Variants in AKAP1 observed in about 807,000 individuals in gnomAD.
AKAP1 encodes the protein A-kinase anchoring protein 1.
Under a neutral mutation model 79.8 loss-of-function variants are expected in AKAP1, and 32 were observed. The ratio of observed to expected loss-of-function variants is 0.40; its 90% confidence interval spans 0.30 to 0.54. The LOEUF (loss-of-function observed/expected upper bound fraction) is 0.54. Ranked by LOEUF, AKAP1 falls within the 20% of genes least tolerant of loss-of-function variation. AKAP1 has a pLI of 0.47. For missense variants in AKAP1, 961 were observed against 1,138.9 expected (o/e 0.84, Z 2.25); for synonymous variants, 416 against 466.7 (o/e 0.89, Z 1.40).
chr17:57,114,372 C>T, intron 5 of AKAP1, 87 bp from the exon 6 acceptor site: 1 of 1,515,882 alleles, frequency 6.6e-7, no homozygotes, highest in Non-Finnish European at 9.0e-7. Flanking sequence ...TATGCTAGCC[C>T]AGAGACTTGC....
At chr17:57,092,142 A>AC (rs1913823531) in intron 1 of AKAP1, 1 of 152,046 alleles carries the variant, frequency 6.6e-6, no homozygotes, top group South Asian at 2.1e-4. Flanking sequence ...ATGGCCATAG[A>AC]CCCCCGGTGA....
chr17:57,107,711 C>T (rs143307367), intron 2 of AKAP1, among the ~76,000 whole-genome samples: 1 of 151,952 alleles, frequency 6.6e-6, no homozygotes, highest in East Asian at 1.9e-4. Context: ...GAGAGGCCTC[C>T]TTAGCTTTAC....
At position 57,119,830 on chromosome 17, in the gene AKAP1, C is replaced by CCTTT. The variant is rs558630533; in HGVS notation, c.2638-420_2638-419insCTTT. Among the ~76,000 whole-genome samples, 99 of 70,314 alleles carry CCTTT rather than the reference C, an allele frequency of 1.4e-3. 3 individuals carry two copies. The highest frequency in any genetic ancestry group is 6.3e-3 in the African/African-American group (96 of 15,294). The allele number at this position is 70,314 out of a possible 152,430, so 46.1% of individuals were successfully genotyped here. The stretch of plus-strand genomic sequence containing the variant: ...AAGCCATGTCCCCCACCCTGTTACT[C>CCTTT]TTTTTTTTTTTTTTTTTTTTGAGAC... On this transcript the variant is annotated intron_variant, in intron 10 of 10. Transcript: ENST00000337714.
At chr17:57,114,413 G>A (rs80261002) in intron 5 of AKAP1, 46 bp from the exon 6 acceptor site, 4 of 1,600,904 alleles carry the variant, frequency 2.5e-6, no homozygotes, top group Admixed American at 3.3e-5. Context: ...TCAAAGATGA[G>A]ATAAGAAGGA....
rs140398755 is a variant in AKAP1, at chr17:57,106,364, C to T, written c.900C>T (p.Val300=). 6.9e-5 allele frequency: 112 copies of T among 1,613,422 alleles called. No homozygotes were observed. In the African/African-American group the frequency reaches 8.3e-4, roughly 12 times the overall value. ...ACGCCAAAGCCCAGGATAGAGGTGT[C>T]GAGGGAGAACTGGGCAATGAGGAGA... ...VADAKAQDRG[V]EGELGNEESL... The change falls in exon 2 of 11, where the codon GTC becomes GTT. Residue 300 remains valine (V), a synonymous_variant. Coordinates refer to ENST00000337714, the MANE Select transcript of AKAP1 (RefSeq NM_003488.4).
chr17:57,105,677 C>A lies in AKAP1; in HGVS notation c.213C>A (p.Pro71=). Reference sequence around the variant, plus strand: ...TCTGTCCCAAAGTAGTGTCCACACCCCCCAGTGTCACAGAGCCTCCAGAAA... The same window carrying A: ...TCTGTCCCAAAGTAGTGTCCACACCACCCAGTGTCACAGAGCCTCCAGAAA... ...EDVCPKVVST[P]PSVTEPPEKE... is the part of the protein sequence containing the mutation. Residue 71 remains proline, a synonymous_variant, in exon 2 of 11, where the codon CCC becomes CCA. Transcript: ENST00000337714. 3 of 1,614,186 alleles carry A rather than the reference C, an allele frequency of 1.9e-6. No homozygotes were observed. The highest frequency in any genetic ancestry group is 2.5e-6 in the Non-Finnish European group (3 of 1,180,030).
At chr17:57,103,468 AC>A (rs1198292595) in intron 1 of AKAP1, among the ~76,000 whole-genome samples, 1 of 152,242 alleles carries the variant, frequency 6.6e-6, no homozygotes, top group Admixed American at 6.5e-5. Flanking sequence ...CATGGATCGC[AC>A]TTTCAGAAGC....
intron 1 of AKAP1, chr17:57,094,216 T>C (rs890957750): frequency 2.6e-5 from 4 of 152,278 alleles, no homozygotes; most frequent in African/African-American, 9.6e-5. Flanking sequence ...GGTTCCACGT[T>C]TCTCCTGGGC....
intron 10 of AKAP1, among the ~76,000 whole-genome samples, chr17:57,119,676 C>G (rs1170328204): frequency 6.6e-6 from 1 of 151,824 alleles, no homozygotes. Context: ...CATTGTGCCA[C>G]TGCACTCCAG....
chr17:57,106,195 A>G lies in AKAP1; in HGVS notation c.731A>G (p.Asp244Gly), dbSNP rs1160222146. Residue 244 changes from aspartate to glycine, a missense_variant, in exon 2 of 11, where the codon GAT becomes GGT. Asp to Gly is a moderately conservative substitution (Grantham distance 94). This residue lies in a region of AKAP1 where 224 missense variants were observed against 210.2 expected (regional missense o/e 1.07). Transcript: ENST00000337714. ...PSLASLEGEE[D>G]KGKSSSSQVV... ...CTGGCCTCTTTAGAGGGGGAAGAAG[A>G]TAAGGGGAAGAGCAGCTCATCCCAG... The G allele has an allele frequency of 1.9e-6, 3 of 1,614,034 alleles. No individual in the cohort carries two copies. Among genetic ancestry groups the G allele is most frequent in the African/African-American group, 2.7e-5 (2 of 74,934 alleles).
Position 57,085,253 on chromosome 17 carries a change from A to C in AKAP1, c.-170A>C, listed in dbSNP as rs1913370203. The C allele has an allele frequency of 1.3e-5, 2 of 150,234 alleles. No homozygotes were observed. The highest frequency in any genetic ancestry group is 4.2e-4 in the South Asian group (2 of 4,814). The allele number at this position is 150,234 out of a possible 1,614,324, so 9.3% of individuals were successfully genotyped here. A position where few individuals can be genotyped will look rare whatever the true frequency, so the allele number is the denominator to read the frequency against. On this transcript the variant is annotated 5_prime_UTR_variant, in exon 1 of 11. Transcript: ENST00000337714. ...ACGTCGCCGCGCGTCTTCAGTATTT[A>C]ATGTCTCTGTGTTCCACCCGCCTGG...
In AKAP1 at chr17:57,086,189, C is replaced by T. The variant is rs1326879161; in HGVS notation, c.-25+791C>T. ...GTCTGCCGACCTCACGCCCGGGGGC[C>T]CCGACGGTCACGTGTCCGGCCCCGC... On this transcript the variant is annotated intron_variant, in intron 1 of 10. Transcript: ENST00000337714. This position sits in a 1 kb window ranked among gnomAD's most constrained non-coding sequence, Gnocchi z 5.1. 3.1e-6 allele frequency: 1 copy of T among 321,510 alleles called. No homozygotes were observed. The highest frequency in any genetic ancestry group is 2.3e-5 in the African/African-American group (1 of 43,994). The allele number at this position is 321,510 out of a possible 1,614,324, so 19.9% of individuals were successfully genotyped here.
chr17:57,088,099 T>A (rs1243866177), intron 1 of AKAP1, among the ~76,000 whole-genome samples: 1 of 152,350 alleles, frequency 6.6e-6, no homozygotes, highest in East Asian at 1.9e-4. Flanking sequence ...TCTCATATAC[T>A]GTTTGAGAGT....
At chr17:57,097,314 TGAGA>T (rs1410401371) in intron 1 of AKAP1, among the ~76,000 whole-genome samples, 3 of 152,000 alleles carry the variant, frequency 2.0e-5, no homozygotes, top group Admixed American at 6.5e-5. Context: ...TGTGAGTGAG[TGAGA>T]GAGATTGATT....
intron 4 of AKAP1, 51 bp from the exon 5 acceptor site, chr17:57,112,440 G>A (rs755355463): frequency 7.2e-5 from 114 of 1,589,348 alleles, no homozygotes; most frequent in Non-Finnish European, 7.6e-5. Context: ...GAGTGTGGGT[G>A]TGAGTTTCCT....
chr17:57,114,364 T>C (rs1264345094), intron 5 of AKAP1, 95 bp from the exon 6 acceptor site: 17 of 1,470,674 alleles, frequency 1.2e-5, no homozygotes, highest in Non-Finnish European at 1.5e-5. Context: ...TTCAAAGATA[T>C]GCTAGCCCAG....
At chr17:57,091,797 T>TCCTG (rs1913801540) in intron 1 of AKAP1, among the ~76,000 whole-genome samples, 1 of 152,010 alleles carries the variant, frequency 6.6e-6, no homozygotes, top group Admixed American at 6.6e-5. Context: ...CAAGGGATCC[T>TCCTG]CCTGCCTCAG....
chr17:57,086,043 A>T lies in AKAP1; in HGVS notation c.-25+645A>T, dbSNP rs1446850376. ...TGTGATCCAACCGTGTTTCGGGCTG[A>T]GGGACCGTTCGAACCGAATTGGGGT... On this transcript the variant is annotated intron_variant, in intron 1 of 10. Transcript: ENST00000337714. This position sits in a 1 kb window ranked among gnomAD's most constrained non-coding sequence, Gnocchi z 5.1. 5.2e-6 allele frequency: 1 copy of T among 193,182 alleles called. No individual in the cohort carries two copies. Among genetic ancestry groups the T allele is most frequent in the Admixed American group, 5.5e-5 (1 of 18,272 alleles). The allele number at this position is 193,182 out of a possible 1,614,324, so 12.0% of individuals were successfully genotyped here.
intron 2 of AKAP1, 82 bp downstream of exon 2, chr17:57,107,260 C>G: frequency 6.6e-7 from 1 of 1,514,640 alleles, no homozygotes; most frequent in South Asian, 1.3e-5. Context: ...CCTCTCCCTT[C>G]TGCTACTTGT....
Sources: allele counts gnomAD v4.1 joint callset (sites outside exome capture counted in the v4.1 genomes callset), GRCh38; gene constraint gnomAD v4.1.1; regional missense constraint gnomAD v4.1.1; non-coding constraint Gnocchi (gnomAD v3.1); transcripts MANE v1.5; gene names NCBI Gene and HGNC (gene_info 2026-07-23, HGNC 2026-07-21).